The following AKAP13 variants were observed in gnomAD, a reference collection of about 807,000 sequenced individuals.
AKAP13 encodes A-kinase anchoring protein 13.
AKAP13 carries 80 observed loss-of-function variants against 264.5 expected under a neutral mutation model. That is an observed-to-expected ratio of 0.30 (90% CI 0.25 to 0.36). AKAP13 has a LOEUF of 0.36. Ranked by LOEUF, AKAP13 falls within the 10% of genes least tolerant of loss-of-function variation. The pLI, the probability that AKAP13 is intolerant of heterozygous loss-of-function variation, is 1.00. For synonymous variants in AKAP13, 1,380 were observed against 1,250.2 expected (o/e 1.10, Z -2.19); for missense variants, 3,712 against 3,435.2 (o/e 1.08, Z -2.01).
chr15:85,627,228 C>T (rs1453455213), intron 8 of AKAP13, among the ~76,000 whole-genome samples: 2 of 152,120 alleles, frequency 1.3e-5, no homozygotes, highest in African/African-American at 4.8e-5. Flanking sequence ...CTTGTGTAAC[C>T]ATTTGCAGGA....
chr15:85,639,243 T>C, intron 8 of AKAP13, 131 bp from the exon 9 acceptor site: 1 of 626,576 alleles, frequency 1.6e-6, no homozygotes, highest in Non-Finnish European at 2.7e-6. Context: ...TTTTTTCCCT[T>C]GACATAAGTT....
At chr15:85,406,331 T>C (rs1258205195) in intron 1 of AKAP13, among the ~76,000 whole-genome samples, 1 of 152,180 alleles carries the variant, frequency 6.6e-6, no homozygotes, top group African/African-American at 2.4e-5. Flanking sequence ...TTGTATGGTT[T>C]TATGATTGTG....
chr15:85,626,892 C>T (rs2081434628), intron 8 of AKAP13, among the ~76,000 whole-genome samples: 1 of 152,092 alleles, frequency 6.6e-6, no homozygotes, highest in Non-Finnish European at 1.5e-5. Context: ...CCAATTTCAA[C>T]ACATCCTCGC....
At chr15:85,566,978 A>G (rs1256030850) in intron 5 of AKAP13, among the ~76,000 whole-genome samples, 1 of 152,218 alleles carries the variant, frequency 6.6e-6, no homozygotes, top group Non-Finnish European at 1.5e-5. Flanking sequence ...AAGTAAGGCA[A>G]GTAATCATAG....
intron 5 of AKAP13, among the ~76,000 whole-genome samples, chr15:85,567,386 G>T (rs374111517): frequency 6.6e-6 from 1 of 152,208 alleles, no homozygotes; most frequent in Non-Finnish European, 1.5e-5. Context: ...GATTGCAGGC[G>T]TGAGCCACCA....
intron 29 of AKAP13, among the ~76,000 whole-genome samples, chr15:85,728,473 A>G (rs535439143): frequency 6.6e-6 from 1 of 152,358 alleles, no homozygotes; most frequent in African/African-American, 2.4e-5. Context: ...GGCTAGGCAT[A>G]CTGCTAGGTA....
intron 5 of AKAP13, among the ~76,000 whole-genome samples, chr15:85,566,068 A>G (rs939842663): frequency 1.3e-5 from 2 of 152,204 alleles, no homozygotes; most frequent in East Asian, 1.9e-4. Flanking sequence ...TGTGAAGCAG[A>G]TGATGTTGGA....
intron 10 of AKAP13, among the ~76,000 whole-genome samples, chr15:85,651,857 T>C (rs927297849): frequency 2.0e-5 from 3 of 152,236 alleles, no homozygotes; most frequent in Non-Finnish European, 4.4e-5. Context: ...TCTTGAGAAA[T>C]ACCTAGGATT....
intron 1 of AKAP13, among the ~76,000 whole-genome samples, chr15:85,383,650 G>T (rs888496980): frequency 7.9e-5 from 12 of 152,230 alleles, no homozygotes; most frequent in African/African-American, 2.9e-4. Context: ...ACAATAGCGA[G>T]TTTATCTTCT....
chr15:85,428,098 T>C (rs942904101), intron 1 of AKAP13, among the ~76,000 whole-genome samples: 13 of 152,088 alleles, frequency 8.5e-5, no homozygotes, highest in Non-Finnish European at 1.8e-4. Context: ...ACAAGTCTGG[T>C]TTTTTGCCTG....
chr15:85,591,397 T>C (rs1255300073), intron 8 of AKAP13, among the ~76,000 whole-genome samples: 1 of 152,172 alleles, frequency 6.6e-6, no homozygotes, highest in Non-Finnish European at 1.5e-5. Context: ...TTGGTAATAG[T>C]TGGAGAAACT....
intron 17 of AKAP13, among the ~76,000 whole-genome samples, chr15:85,694,446 G>A (rs911494663): frequency 6.6e-6 from 1 of 152,232 alleles, no homozygotes; most frequent in Non-Finnish European, 1.5e-5. Context: ...AAACCAATGA[G>A]TGTGATTCCA....
chr15:85,706,822 G>A (rs2086296614), intron 17 of AKAP13, among the ~76,000 whole-genome samples: 1 of 152,162 alleles, frequency 6.6e-6, no homozygotes, highest in Admixed American at 6.5e-5. Context: ...TGTGCCAGTG[G>A]TATTAAGGAG....
intron 20 of AKAP13, 100 bp from the exon 21 acceptor site, chr15:85,717,190 A>G: frequency 1.4e-6 from 1 of 706,706 alleles, no homozygotes; most frequent in Non-Finnish European, 2.3e-6. Flanking sequence ...TAGTACTTCC[A>G]GCCAGTTGTC....
intron 8 of AKAP13, among the ~76,000 whole-genome samples, chr15:85,629,051 A>C (rs963068255): frequency 6.6e-6 from 1 of 152,040 alleles, no homozygotes; most frequent in Non-Finnish European, 1.5e-5. Flanking sequence ...TTAAAAAACA[A>C]CTGGGCATGG....
intron 1 of AKAP13, among the ~76,000 whole-genome samples, chr15:85,412,005 C>A (rs770222226): frequency 6.6e-6 from 1 of 152,152 alleles, no homozygotes; most frequent in African/African-American, 2.4e-5. Context: ...ATGATATTAA[C>A]AAATGTGATT....
intron 2 of AKAP13, among the ~76,000 whole-genome samples, chr15:85,506,639 A>G (rs1329971985): frequency 6.6e-6 from 1 of 152,234 alleles, no homozygotes; most frequent in East Asian, 1.9e-4. Context: ...TTAGGGTAGG[A>G]GAGCTCATAC....
In AKAP13 at chr15:85,619,279, G is replaced by A. The variant is rs552217508; in HGVS notation, c.4162-20095G>A. The A allele has an allele frequency of 1.0e-4, 82 of 781,460 alleles. No individual in the cohort carries two copies. The South Asian group carries it at 4.0e-3, about 38-fold the overall frequency. The allele number at this position is 781,460 out of a possible 1,614,324, so 48.4% of individuals were successfully genotyped here. On this transcript the variant is annotated intron_variant, in intron 8 of 36. Transcript: ENST00000394518. ...TTCAAACCTCCAAGGCTGCGGGTGC[G>A]GAGCTGAAAGGGCAAGCAGTGACGT... is the stretch of plus-strand genomic sequence containing the variant.
intron 1 of AKAP13, among the ~76,000 whole-genome samples, chr15:85,477,982 T>G (rs2075228807): frequency 6.6e-6 from 1 of 152,198 alleles, no homozygotes; most frequent in Admixed American, 6.5e-5. Flanking sequence ...ATCCTGTGCT[T>G]CTCCTCCTGT....
Sources: gnomAD v4.1 joint callset for allele counts (sites outside exome capture counted in the v4.1 genomes callset) on GRCh38, gnomAD v4.1.1 for gene constraint, MANE v1.5 for transcripts, NCBI Gene and HGNC (gene_info 2026-07-23, HGNC 2026-07-21) for gene names.